SPATA13: variants seen among roughly 807,000 people sequenced by gnomAD.
SPATA13 encodes the protein spermatogenesis associated 13.
In SPATA13, 50 loss-of-function variants were observed where a neutral mutation model predicts 104.0. That is an observed-to-expected ratio of 0.48 (90% CI 0.38 to 0.61). The LOEUF is 0.61. Among genes scored for constraint, SPATA13 ranks in the 20% least tolerant of loss-of-function variants. The pLI is 0.00. For synonymous variants in SPATA13, 606 were observed against 667.5 expected, an observed-to-expected ratio of 0.91 and a Z score of 1.42; for missense variants, 1,524 against 1,690.6, an observed-to-expected ratio of 0.90 and a Z score of 1.73.
intron 3 of SPATA13, among the ~76,000 whole-genome samples, chr13:24,053,737 G>T (rs536919434): frequency 6.6e-6 from 1 of 152,200 alleles, no homozygotes; most frequent in South Asian, 2.1e-4. Context: ...TATGATTTTG[G>T]GGCTGCTGTC....
intron 3 of SPATA13, among the ~76,000 whole-genome samples, chr13:24,069,904 C>T (rs974622789): frequency 1.3e-5 from 2 of 152,190 alleles, no homozygotes; most frequent in Non-Finnish European, 2.9e-5. Flanking sequence ...GTGACCAACA[C>T]TGCAAATCTC....
intron 2 of SPATA13, among the ~76,000 whole-genome samples, chr13:23,987,679 C>T (rs571073984): frequency 5.9e-5 from 9 of 152,292 alleles, no homozygotes; most frequent in East Asian, 3.9e-4. Context: ...TGCAGTTCAG[C>T]GGCATTCAGC....
At chr13:24,062,911 G>C (rs140042302) in intron 3 of SPATA13, among the ~76,000 whole-genome samples, 410 of 152,244 alleles carry the variant, frequency 2.7e-3, no homozygotes, top group Non-Finnish European at 4.7e-3. Flanking sequence ...GGCATTCTGT[G>C]GTCATGATCC....
intron 2 of SPATA13, among the ~76,000 whole-genome samples, chr13:24,002,609 G>C (rs1351700543): frequency 6.6e-6 from 1 of 152,124 alleles, no homozygotes; most frequent in African/African-American, 2.4e-5. Flanking sequence ...GGACTGACTA[G>C]ACTGCAGGAG....
exon 2 of SPATA13, chr13:23,983,782 C>A: frequency 3.5e-6 from 2 of 574,554 alleles, no homozygotes; most frequent in Non-Finnish European, 4.4e-6. Flanking sequence ...CTAGTTCCAG[C>A]TAGGGGTGAC....
chr13:24,162,011 TC>T (rs1317394577), intron 1 of SPATA13, among the ~76,000 whole-genome samples: 1 of 152,064 alleles, frequency 6.6e-6, no homozygotes, highest in Non-Finnish European at 1.5e-5. Context: ...TCTCCTTTTT[TC>T]CTAATGTCCC....
intron 3 of SPATA13, among the ~76,000 whole-genome samples, chr13:24,075,845 C>T (rs1056365300): frequency 2.6e-5 from 4 of 152,106 alleles, no homozygotes; most frequent in Non-Finnish European, 4.4e-5. Flanking sequence ...AAGCATTTGC[C>T]GCCACGCTGT....
At chr13:24,034,679 C>T (rs1877613023) in intron 3 of SPATA13, 1 of 152,206 alleles carries the variant, frequency 6.6e-6, no homozygotes, top group African/African-American at 2.4e-5. Flanking sequence ...AGGTGGAAGC[C>T]TCCATGACAG....
At chr13:24,112,994 G>C (rs923427288) in intron 3 of SPATA13, among the ~76,000 whole-genome samples, 2 of 152,164 alleles carry the variant, frequency 1.3e-5, no homozygotes, top group South Asian at 2.1e-4. Flanking sequence ...ATGAGTCACA[G>C]CCAAGAAAGT....
chr13:24,228,965 A>T (rs1408605720), intron 2 of SPATA13, among the ~76,000 whole-genome samples: 1 of 152,246 alleles, frequency 6.6e-6, no homozygotes, highest in African/African-American at 2.4e-5. Context: ...TGTGAAAAAG[A>T]GCTGGGAAAA....
At chr13:24,037,722 A>G (rs1424898385) in intron 3 of SPATA13, among the ~76,000 whole-genome samples, 1 of 150,590 alleles carries the variant, frequency 6.6e-6, no homozygotes, top group South Asian at 2.1e-4. Context: ...AACACTTTTA[A>G]AGTTTGTTTT....
chr13:24,099,808 G>A (rs1279649043), intron 3 of SPATA13, among the ~76,000 whole-genome samples: 2 of 152,222 alleles, frequency 1.3e-5, no homozygotes, highest in African/African-American at 4.8e-5. Flanking sequence ...ATAAGAAAAA[G>A]AAAGGGATAA....
At chr13:24,187,273 CAT>C (rs1869209118) in intron 1 of SPATA13, among the ~76,000 whole-genome samples, 1 of 152,120 alleles carries the variant, frequency 6.6e-6, no homozygotes, top group African/African-American at 2.4e-5. Flanking sequence ...CAGAGTGACA[CAT>C]GAGTCATGAC....
Position 24,223,426 on chromosome 13 carries a change from C to A in SPATA13, c.497C>A (p.Pro166Gln). The stretch of plus-strand genomic sequence containing the variant: ...GCAAGCAGGGGCTCCCCCTTAGCAC[C>A]GGGACCAGCATGTGGTGCCCTCAGG... ...AQASRGSPLA[P>Q]GPACGALRPA... Residue 166 changes from proline (P) to glutamine (Q), a missense_variant, in exon 2 of 13, where the codon CCG becomes CAG. Physicochemically the swap from Pro to Gln is moderately conservative, Grantham distance 76. Transcript: ENST00000382108. 2 of 1,551,050 alleles carry A rather than the reference C, an allele frequency of 1.3e-6. No homozygotes were observed. Among genetic ancestry groups the A allele is most frequent in the Non-Finnish European group, 1.7e-6 (2 of 1,146,992 alleles).
In SPATA13 at chr13:24,286,293, A is replaced by C. The variant is rs746193464; in HGVS notation, c.2381A>C (p.Lys794Thr). The change falls in exon 6 of 13, where the codon AAA (lysine) becomes ACA (threonine). Residue 794 changes from lysine to threonine, a missense_variant. Physicochemically the swap from Lys to Thr is moderately conservative, Grantham distance 78. Around this residue, in one of 2 missense-constraint regions of SPATA13, gnomAD observed 1,089 missense variants for 1,135.9 expected, o/e 0.96. Coordinates refer to ENST00000382108, the MANE Select transcript of SPATA13 (RefSeq NM_001166271.3). The surrounding 1 kb of genome is among the most constrained non-coding windows in gnomAD (Gnocchi z 4.9). ...ATGGATGACCAGGAACTGGGCTTCA[A>C]AGCCGGGGATGTCATCCAGGTTCTG... ...VTMDDQELGF[K>T]AGDVIQVLEA... is the part of the protein sequence containing the mutation. 3.1e-6 allele frequency: 5 copies of C among 1,613,884 alleles called. No homozygotes were observed. The Admixed American group carries it at 8.3e-5, about 27-fold the overall frequency.
At chr13:24,021,900 A>T (rs999623188) in intron 3 of SPATA13, among the ~76,000 whole-genome samples, 5 of 151,248 alleles carry the variant, frequency 3.3e-5, no homozygotes, top group African/African-American at 1.2e-4. Flanking sequence ...TTTAGTAGAG[A>T]TGGGGTTTCA....
intron 3 of SPATA13, among the ~76,000 whole-genome samples, chr13:24,018,972 G>A (rs541032079): frequency 1.3e-5 from 2 of 152,254 alleles, no homozygotes; most frequent in East Asian, 3.9e-4. Flanking sequence ...GAAGAATACT[G>A]AGGCATATCT....
intron 3 of SPATA13, chr13:24,123,762 A>G (rs767986321): frequency 2.2e-5 from 30 of 1,345,646 alleles, no homozygotes; most frequent in Non-Finnish European, 3.2e-5. Context: ...AATGCCTTGT[A>G]TATGGGGCTT....
At chr13:24,198,699 T>C (rs769977018) in intron 1 of SPATA13, among the ~76,000 whole-genome samples, 12 of 152,174 alleles carry the variant, frequency 7.9e-5, no homozygotes, top group Non-Finnish European at 1.5e-4. Flanking sequence ...TTCTTTGTCC[T>C]TGTTCTTTCT....
Sources: gnomAD v4.1 joint callset for allele counts (sites outside exome capture counted in the v4.1 genomes callset) on GRCh38, gnomAD v4.1.1 for gene constraint, gnomAD v4.1.1 regional missense constraint, Gnocchi (gnomAD v3.1) non-coding constraint, MANE v1.5 for transcripts, NCBI Gene and HGNC (gene_info 2026-07-23, HGNC 2026-07-21) for gene names.